The following FOXP2 variants were observed in gnomAD, a reference collection of about 807,000 sequenced individuals.
The protein encoded by FOXP2 is forkhead box P2, also known as forkhead box protein P2.
In FOXP2, 12 loss-of-function variants were observed where a neutral mutation model predicts 115.8. That is an observed-to-expected ratio of 0.10 (90% CI 0.07 to 0.17). FOXP2 has a LOEUF of 0.17. Ranked by LOEUF, FOXP2 falls within the 10% of genes least tolerant of loss-of-function variation. The pLI, the probability that FOXP2 is intolerant of heterozygous loss-of-function variation, is 1.00. For missense variants in FOXP2, 629 were observed against 843.5 expected (o/e 0.75, Z 3.15); for synonymous variants, 328 against 297.7 (o/e 1.10, Z -1.05).
chr7:114,488,404 A>T (rs1796890451), intron 2 of FOXP2, among the ~76,000 whole-genome samples: 2 of 152,140 alleles, frequency 1.3e-5, no homozygotes, highest in African/African-American at 4.8e-5. Flanking sequence ...GGCTACTTAT[A>T]CTTTTTGTTG....
upstream of FOXP2, among the ~76,000 whole-genome samples, chr7:114,087,284 C>T (rs1347834318): frequency 3.3e-5 from 5 of 152,210 alleles, no homozygotes; most frequent in African/African-American, 4.8e-5. Flanking sequence ...CTGGGCCCTA[C>T]TGACGCTTCG....
intron 1 of FOXP2, among the ~76,000 whole-genome samples, chr7:114,123,004 T>C (rs905945625): frequency 2.0e-5 from 3 of 152,034 alleles, no homozygotes; most frequent in Admixed American, 6.6e-5. Context: ...TGGTGAAGTA[T>C]AGCTTGCAAT....
chr7:114,190,604 T>G (rs922843577), intron 1 of FOXP2, among the ~76,000 whole-genome samples: 3 of 152,142 alleles, frequency 2.0e-5, no homozygotes, highest in Non-Finnish European at 4.4e-5. Context: ...TTCCTCATAA[T>G]TGTTGTGGAG....
chr7:114,642,812 A>ATATATATATTT (rs1308357594), intron 7 of FOXP2, among the ~76,000 whole-genome samples, 189 bp downstream of exon 7: 16 of 72,424 alleles, frequency 2.2e-4, no homozygotes, highest in African/African-American at 7.1e-4. Context: ...ATATATATAT[A>ATATATATATTT]TTTTTTTTTT....
upstream of FOXP2, among the ~76,000 whole-genome samples, chr7:114,159,479 G>A (rs1387924112): frequency 7.0e-6 from 1 of 143,090 alleles, no homozygotes; most frequent in Non-Finnish European, 1.5e-5. Flanking sequence ...TCATGTAACA[G>A]CATCATGGAA....
At chr7:114,556,219 G>T (rs565535375) in intron 3 of FOXP2, among the ~76,000 whole-genome samples, 26 of 152,196 alleles carry the variant, frequency 1.7e-4, no homozygotes, top group Admixed American at 6.5e-5. Flanking sequence ...AATGAGGAGG[G>T]GTAAGAGGCT....
intron 2 of FOXP2, among the ~76,000 whole-genome samples, chr7:114,379,121 T>C (rs938614001): frequency 3.9e-5 from 6 of 152,024 alleles, no homozygotes; most frequent in African/African-American, 1.4e-4. Context: ...TGAAATAGAG[T>C]GAAAACAGAG....
intron 1 of FOXP2, among the ~76,000 whole-genome samples, chr7:114,126,809 G>T (rs963804553): frequency 6.6e-6 from 1 of 152,044 alleles, no homozygotes; most frequent in Non-Finnish European, 1.5e-5. Flanking sequence ...AATAACCCTC[G>T]GGTTTAGACC....
chr7:114,273,465 G>T (rs1796115220), intron 1 of FOXP2, among the ~76,000 whole-genome samples: 1 of 151,970 alleles, frequency 6.6e-6, no homozygotes, highest in South Asian at 2.1e-4. Context: ...CTTATATCCA[G>T]TTGATTGATG....
intron 2 of FOXP2, among the ~76,000 whole-genome samples, chr7:114,528,078 C>T (rs1314195965): frequency 6.6e-6 from 1 of 152,010 alleles, no homozygotes; most frequent in Non-Finnish European, 1.5e-5. Context: ...GACTCTTTGT[C>T]ATTTATTGTT....
chr7:114,524,591 G>T (rs1345594081), intron 2 of FOXP2, among the ~76,000 whole-genome samples: 3 of 152,118 alleles, frequency 2.0e-5, no homozygotes, highest in Non-Finnish European at 2.9e-5. Context: ...TAACTATGCT[G>T]AGTCTCAGTT....
chr7:114,623,003 G>T (rs1318668954), intron 3 of FOXP2, among the ~76,000 whole-genome samples: 1 of 151,556 alleles, frequency 6.6e-6, no homozygotes, highest in Non-Finnish European at 1.5e-5. Context: ...CTCTTTTTAT[G>T]GTGCACCTGT....
chr7:114,584,857 T>C (rs1268180229), intron 3 of FOXP2, among the ~76,000 whole-genome samples: 1 of 152,198 alleles, frequency 6.6e-6, no homozygotes, highest in Non-Finnish European at 1.5e-5. Flanking sequence ...GATTATTACA[T>C]TGGGGGCATA....
At chr7:114,605,299 T>G (rs564357767) in intron 3 of FOXP2, among the ~76,000 whole-genome samples, 1 of 152,322 alleles carries the variant, frequency 6.6e-6, no homozygotes, top group Admixed American at 6.5e-5. Flanking sequence ...ATATGAAATA[T>G]GAGCATTTGT....
intron 1 of FOXP2, among the ~76,000 whole-genome samples, chr7:114,179,497 T>C (rs1034462057): frequency 6.6e-6 from 1 of 151,954 alleles, no homozygotes. Context: ...TTTCAATGCA[T>C]AGAGTAGTGC....
At chr7:114,361,611 AT>A (rs1791746295) in intron 2 of FOXP2, among the ~76,000 whole-genome samples, 1 of 152,110 alleles carries the variant, frequency 6.6e-6, no homozygotes, top group South Asian at 2.1e-4. Flanking sequence ...GTTTATGGAA[AT>A]TTTAGAAATA....
At chr7:114,615,806 A>C (rs940001046) in intron 3 of FOXP2, among the ~76,000 whole-genome samples, 10 of 152,116 alleles carry the variant, frequency 6.6e-5, no homozygotes, top group African/African-American at 2.2e-4. Context: ...TACCAGGCCA[A>C]GTTCGGGAAC....
At chr7:114,679,113 C>T (rs753869269) in intron 16 of FOXP2, among the ~76,000 whole-genome samples, 13 of 152,102 alleles carry the variant, frequency 8.5e-5, no homozygotes, top group African/African-American at 1.9e-4. Context: ...CATAGGCACC[C>T]GCCACCATGC....
chr7:114,147,307 A>G (rs1427080458), intron 1 of FOXP2, among the ~76,000 whole-genome samples: 1 of 151,970 alleles, frequency 6.6e-6, no homozygotes, highest in East Asian at 1.9e-4. Flanking sequence ...TACTTTTTTT[A>G]TTTGGCTGTC....
Sources: allele counts gnomAD v4.1 joint callset (sites outside exome capture counted in the v4.1 genomes callset), GRCh38; gene constraint gnomAD v4.1.1; transcripts MANE v1.5; gene names NCBI Gene and HGNC (gene_info 2026-07-23, HGNC 2026-07-21).